SLC16A12: variants seen among roughly 807,000 people sequenced by gnomAD.
The protein encoded by SLC16A12 is monocarboxylate transporter 12.
Under a neutral mutation model 42.4 loss-of-function variants are expected in SLC16A12, and 17 were observed. The ratio of observed to expected loss-of-function variants is 0.40; its 90% confidence interval spans 0.27 to 0.60. The LOEUF (loss-of-function observed/expected upper bound fraction) is 0.60. Among genes scored for constraint, SLC16A12 ranks in the 20% least tolerant of loss-of-function variants. The pLI, the probability that SLC16A12 is intolerant of heterozygous loss-of-function variation, is 0.42. For synonymous variants in SLC16A12, 224 were observed against 229.4 expected (o/e 0.98, Z 0.21); for missense variants, 544 against 623.0 (o/e 0.87, Z 1.35).
chr10:89,436,004 T>C, intron 7 of SLC16A12, 56 bp downstream of exon 7: 2 of 1,610,078 alleles, frequency 1.2e-6, no homozygotes, highest in Non-Finnish European at 8.5e-7. Context: ...GTTTGCTGTT[T>C]TCACATCAAT....
chr10:89,470,985 G>A (rs1750512936), intron 2 of SLC16A12, among the ~76,000 whole-genome samples: 1 of 152,190 alleles, frequency 6.6e-6, no homozygotes, highest in Non-Finnish European at 1.5e-5. Context: ...ATAAACACAA[G>A]AGAGGAGAGA....
At position 89,486,007 on chromosome 10, in the gene SLC16A12, A is replaced by T. The variant is rs58031765; in HGVS notation, c.-46-23383T>A. On this transcript the variant is annotated intron_variant, in intron 2 of 7. Transcript: ENST00000371790. ...GACAGAGTGGAAATTCTGCCCTATC[A>T]GTAAAATCCATGATTAGGTACATTC... Among the ~76,000 whole-genome samples the T allele has an allele frequency of 8.9e-3, 1,353 of 152,374 alleles. 22 individuals carry two copies. The highest frequency in any genetic ancestry group is 0.031 in the African/African-American group (1,290 of 41,586).
intron 2 of SLC16A12, among the ~76,000 whole-genome samples, chr10:89,512,148 C>A (rs304467): frequency 6.6e-6 from 1 of 151,918 alleles, no homozygotes; most frequent in South Asian, 2.1e-4. Context: ...CAGGGCCTGA[C>A]GGAGAGCAGA....
In SLC16A12 at chr10:89,483,749, A is replaced by C. The variant is rs79383445; in HGVS notation, c.-46-21125T>G. 9.4e-5 allele frequency among the ~76,000 whole-genome samples: 14 copies of C among 149,498 alleles called. No individual in the cohort carries two copies. In the East Asian group the frequency reaches 2.1e-3, roughly 23 times the overall value. On this transcript the variant is annotated intron_variant, in intron 2 of 7. Transcript: ENST00000371790. ...TGAGACGCTGCCTCTAAAAAAAAAA[A>C]AAAACAAAAAAAAAAAAACGGAAGA...
upstream of SLC16A12, among the ~76,000 whole-genome samples, chr10:89,537,322 C>T (rs946490943): frequency 1.3e-5 from 2 of 152,038 alleles, no homozygotes; most frequent in Non-Finnish European, 2.9e-5. Context: ...GGATTACAGG[C>T]TTGAGCCACT....
intron 2 of SLC16A12, among the ~76,000 whole-genome samples, chr10:89,541,530 G>A (rs964288388): frequency 6.6e-6 from 1 of 152,160 alleles, no homozygotes; most frequent in Non-Finnish European, 1.5e-5. Context: ...ACAGGAGTTC[G>A]AGGCTGTTAT....
At chr10:89,501,431 G>T (rs1842989654) in intron 2 of SLC16A12, among the ~76,000 whole-genome samples, 1 of 152,150 alleles carries the variant, frequency 6.6e-6, no homozygotes, top group African/African-American at 2.4e-5. Context: ...TACCAAAACA[G>T]CATGGTACTA....
At chr10:89,458,213 A>G (rs1344482120) in intron 3 of SLC16A12, among the ~76,000 whole-genome samples, 1 of 152,180 alleles carries the variant, frequency 6.6e-6, no homozygotes, top group Non-Finnish European at 1.5e-5. Context: ...ATCATCGCCA[A>G]TTGAATCCAA....
chr10:89,505,231 AT>A (rs1178707618), intron 2 of SLC16A12, among the ~76,000 whole-genome samples: 1 of 152,132 alleles, frequency 6.6e-6, no homozygotes, highest in African/African-American at 2.4e-5. Flanking sequence ...CCTGGCTAAC[AT>A]GGTGAAACCC....
chr10:89,441,273 G>A, intron 4 of SLC16A12, 22 bp from the exon 5 acceptor site: 2 of 1,613,764 alleles, frequency 1.2e-6, no homozygotes, highest in South Asian at 1.1e-5. Context: ...ATAAGAAATA[G>A]GTTCAACAGA....
chr10:89,466,482 A>C (rs1228886943), intron 2 of SLC16A12, among the ~76,000 whole-genome samples: 1 of 152,224 alleles, frequency 6.6e-6, no homozygotes, highest in Admixed American at 6.5e-5. Flanking sequence ...ACTTCACAGA[A>C]TCATACTTAT....
intron 3 of SLC16A12, among the ~76,000 whole-genome samples, chr10:89,445,331 G>T (rs970032166): frequency 6.6e-6 from 1 of 152,172 alleles, no homozygotes; most frequent in Non-Finnish European, 1.5e-5. Flanking sequence ...TCCCCGTAGG[G>T]GCCAACTGAC....
intron 2 of SLC16A12, among the ~76,000 whole-genome samples, chr10:89,502,253 A>C (rs1843000214): frequency 6.6e-6 from 1 of 152,144 alleles, no homozygotes; most frequent in Non-Finnish European, 1.5e-5. Context: ...GTTCGAGACC[A>C]GCCTGTCCAA....
At chr10:89,544,643 T>A (rs1173492682) in intron 2 of SLC16A12, among the ~76,000 whole-genome samples, 2 of 152,224 alleles carry the variant, frequency 1.3e-5, no homozygotes, top group Non-Finnish European at 2.9e-5. Flanking sequence ...GGAAATTTAT[T>A]GAAATTTTTT....
chr10:89,546,086 C>T (rs1020338034), intron 2 of SLC16A12, among the ~76,000 whole-genome samples: 2 of 152,110 alleles, frequency 1.3e-5, no homozygotes, highest in Non-Finnish European at 2.9e-5. Flanking sequence ...ACCATAAAAA[C>T]CCTAGAAGAA....
intron 2 of SLC16A12, among the ~76,000 whole-genome samples, chr10:89,544,819 G>A (rs2133886678): frequency 6.6e-6 from 1 of 150,700 alleles, no homozygotes; most frequent in Admixed American, 6.6e-5. Flanking sequence ...CTAACTCTGG[G>A]GTAGATTGAT....
At chr10:89,483,163 GGA>G (rs931612151) in intron 2 of SLC16A12, among the ~76,000 whole-genome samples, 5 of 152,154 alleles carry the variant, frequency 3.3e-5, no homozygotes, top group African/African-American at 1.2e-4. Context: ...ATGTGCTGGA[GGA>G]GAGGGGGTGT....
At chr10:89,512,489 G>A (rs571640153) in intron 2 of SLC16A12, among the ~76,000 whole-genome samples, 1 of 152,282 alleles carries the variant, frequency 6.6e-6, no homozygotes, top group Admixed American at 6.5e-5. Context: ...CTTGACCTTA[G>A]GGGAAGGAAT....
chr10:89,517,201 G>T (rs1038872433), intron 2 of SLC16A12, among the ~76,000 whole-genome samples: 1 of 151,988 alleles, frequency 6.6e-6, no homozygotes, highest in Non-Finnish European at 1.5e-5. Context: ...CTCCAGCGTG[G>T]GTGACAAGGT....
Sources: allele counts gnomAD v4.1 joint callset (sites outside exome capture counted in the v4.1 genomes callset), GRCh38; gene constraint gnomAD v4.1.1; transcripts MANE v1.5; gene names NCBI Gene and HGNC (gene_info 2026-07-23, HGNC 2026-07-21).